The following ARHGAP8 variants were observed in gnomAD, a reference collection of about 807,000 sequenced individuals.
ARHGAP8 encodes the protein rho GTPase-activating protein 8.
In ARHGAP8, 62 loss-of-function variants were observed where a neutral mutation model predicts 46.1. That is an observed-to-expected ratio of 1.34 (90% CI 1.10 to 1.66). The LOEUF is 1.66. ARHGAP8 is among the 40% of genes most tolerant of loss of function. ARHGAP8 has a pLI of 0.00. For missense variants in ARHGAP8, 923 were observed against 568.4 expected (o/e 1.62, Z -6.34); for synonymous variants, 375 against 243.1 (o/e 1.54, Z -5.05).
At chr22:44,848,781 A>G in intron 9 of ARHGAP8, 151 bp from the exon 10 acceptor site, 4 of 1,401,736 alleles carry the variant, frequency 2.9e-6, no homozygotes, top group Non-Finnish European at 3.8e-6. Flanking sequence ...ACCCATTTCT[A>G]GGTGGGGACA....
chr22:44,814,673 T>C lies in ARHGAP8; in HGVS notation c.301T>C (p.Tyr101His), dbSNP rs1473615382. The C allele has an allele frequency of 1.2e-6, 2 of 1,613,742 alleles. No homozygotes were observed. The highest frequency in any genetic ancestry group is 4.5e-5 in the East Asian group (2 of 44,868). The part of the protein sequence containing the change: ...QSAYKEFDRK[Y>H]KKNLKALYVV... Reference sequence around the variant, plus strand: ...GTCATCCCCCGTTTCCCTCCTCAGGTACAAGAAGAACTTGAAGGCCCTCTA... The same window carrying C: ...GTCATCCCCCGTTTCCCTCCTCAGGCACAAGAAGAACTTGAAGGCCCTCTA... The change falls in exon 5 of 12, where the codon TAC becomes CAC. Residue 101 changes from tyrosine to histidine, a missense_variant and splice_region_variant. Physicochemically the swap from Tyr to His is moderately conservative, Grantham distance 83. Transcript: ENST00000356099.
intron 1 of ARHGAP8, among the ~76,000 whole-genome samples, chr22:44,760,050 G>A (rs763308160): frequency 6.6e-6 from 1 of 152,230 alleles, no homozygotes; most frequent in East Asian, 1.9e-4. Flanking sequence ...GGTTTCCTGC[G>A]GTTTGTGGGC....
chr22:44,822,935 C>T (rs112274515), intron 6 of ARHGAP8, among the ~76,000 whole-genome samples: 309 of 152,282 alleles, frequency 2.0e-3, no homozygotes, highest in African/African-American at 6.9e-3. Flanking sequence ...AATGTAGGCC[C>T]AGATGAATAG....
chr22:44,828,885 C>T (rs1000116038), intron 7 of ARHGAP8, among the ~76,000 whole-genome samples: 3 of 152,026 alleles, frequency 2.0e-5, no homozygotes, highest in Admixed American at 2.0e-4. Flanking sequence ...AGGGGTGGGT[C>T]TTTAGCTGGG....
chr22:44,847,940 C>T, intron 8 of ARHGAP8, 33 bp from the exon 9 acceptor site: 1 of 1,604,110 alleles, frequency 6.2e-7, no homozygotes. Context: ...TGGGCTGGGA[C>T]CTGTGAGATG....
At chr22:44,830,246 A>T (rs1449263037) in intron 7 of ARHGAP8, among the ~76,000 whole-genome samples, 2 of 151,992 alleles carry the variant, frequency 1.3e-5, no homozygotes, top group Non-Finnish European at 2.9e-5. Context: ...CTGGTCGCAA[A>T]GTCCTGACCT....
chr22:44,854,992 A>G (rs2070186552), intron 10 of ARHGAP8, among the ~76,000 whole-genome samples: 1 of 150,254 alleles, frequency 6.7e-6, no homozygotes, highest in African/African-American at 2.5e-5. Flanking sequence ...TAATCTTGTC[A>G]GAGTTACTCA....
chr22:44,782,343 T>TA (rs1926902497), intron 1 of ARHGAP8, among the ~76,000 whole-genome samples: 1 of 151,962 alleles, frequency 6.6e-6, no homozygotes, highest in South Asian at 2.1e-4. Flanking sequence ...TCTCAAAAAA[T>TA]AAAAAATAAA....
At chr22:44,821,937 G>A (rs919582141) in intron 5 of ARHGAP8, among the ~76,000 whole-genome samples, 1 of 148,304 alleles carries the variant, frequency 6.7e-6, no homozygotes, top group Non-Finnish European at 1.5e-5. Flanking sequence ...CAAATGTGAA[G>A]CCACCACTGA....
chr22:44,861,063 G>A (rs922337247), intron 11 of ARHGAP8, among the ~76,000 whole-genome samples: 1 of 152,114 alleles, frequency 6.6e-6, no homozygotes, highest in Non-Finnish European at 1.5e-5. Flanking sequence ...GTGTGCACTG[G>A]TGCAATCTCA....
At chr22:44,861,215 A>C (rs1029285337) in intron 11 of ARHGAP8, among the ~76,000 whole-genome samples, 9 of 152,042 alleles carry the variant, frequency 5.9e-5, no homozygotes, top group Admixed American at 3.9e-4. Flanking sequence ...CAGGTGATCC[A>C]CCTGCCTCGG....
chr22:44,841,769 G>A (rs1046834227), intron 7 of ARHGAP8, among the ~76,000 whole-genome samples: 1 of 152,146 alleles, frequency 6.6e-6, no homozygotes, highest in African/African-American at 2.4e-5. Flanking sequence ...GAGTGGCCAC[G>A]CCAAACTACG....
intron 1 of ARHGAP8, among the ~76,000 whole-genome samples, chr22:44,770,908 G>A (rs132466): frequency 0.9 from 136,775 of 152,254 alleles, 61,625 homozygotes; most frequent in African/African-American, 0.96. Context: ...CATTTAAACT[G>A]TAAACTAAAC....
At chr22:44,787,034 AAAC>A (rs1927300761) in intron 2 of ARHGAP8, among the ~76,000 whole-genome samples, 1 of 94,698 alleles carries the variant, frequency 1.1e-5, no homozygotes, top group African/African-American at 3.4e-5. Context: ...TGTCTCAAAA[AAAC>A]AAAAAAAAAA....
Position 44,822,461 on chromosome 22 carries a change from A to T in ARHGAP8, c.477A>T (p.Glu159Asp). The change falls in exon 6 of 12, where the codon GAA becomes GAT. Residue 159 changes from glutamate to aspartate, a missense_variant. Glu to Asp is a conservative substitution (Grantham distance 45). Transcript: ENST00000356099. ...LKYDQLVIPP[E>D]VLRYDEKLQS... ...ACGACCAGCTGGTCATCCCTCCCGA[A>T]GTTTTGCGGTAAGTGCCTGTTAGAC... is the stretch of plus-strand genomic sequence containing the variant. 1 of 1,554,162 alleles carries T rather than the reference A, an allele frequency of 6.4e-7. No homozygotes were observed. The highest frequency in any genetic ancestry group is 8.6e-7 in the Non-Finnish European group (1 of 1,159,222).
At chr22:44,780,705 C>T (rs1405181642) in intron 1 of ARHGAP8, among the ~76,000 whole-genome samples, 1 of 152,166 alleles carries the variant, frequency 6.6e-6, no homozygotes, top group Non-Finnish European at 1.5e-5. Context: ...CTTTCTTCCA[C>T]CCCATCCTCA....
intron 4 of ARHGAP8, among the ~76,000 whole-genome samples, chr22:44,813,992 G>A (rs757543113): frequency 1.3e-5 from 2 of 152,160 alleles, no homozygotes; most frequent in Admixed American, 6.5e-5. Flanking sequence ...CGCCTCCTGG[G>A]CTGTGTCTCC....
Position 44,792,108 on chromosome 22 carries a change from G to A in ARHGAP8, c.79+5502G>A, listed in dbSNP as rs187931818. 2.5e-3 allele frequency among the ~76,000 whole-genome samples: 382 copies of A among 151,784 alleles called. 1 individual carries two copies. The highest frequency in any genetic ancestry group is 9.0e-3 in the African/African-American group (373 of 41,340). ...GCTCACTGCAACCTCCACCTCCCAG[G>A]TTCAAGCGATTCTCTGCCTCAGCCT... On this transcript the variant is annotated intron_variant, in intron 2 of 11. Transcript: ENST00000356099.
intron 7 of ARHGAP8, among the ~76,000 whole-genome samples, chr22:44,839,549 A>C (rs1164823324): frequency 6.6e-6 from 1 of 152,178 alleles, no homozygotes; most frequent in South Asian, 2.1e-4. Flanking sequence ...GCCCAGCAGG[A>C]GGAGCAGAGA....
Sources: gnomAD v4.1 joint callset for allele counts (sites outside exome capture counted in the v4.1 genomes callset) on GRCh38, gnomAD v4.1.1 for gene constraint, MANE v1.5 for transcripts, NCBI Gene and HGNC (gene_info 2026-07-23, HGNC 2026-07-21) for gene names.